Variants in EIF2D observed in about 807,000 individuals in gnomAD.
The protein encoded by EIF2D is eukaryotic translation initiation factor 2D, also known as hepatocellular carcinoma-associated antigen 56.
EIF2D carries 56 observed loss-of-function variants against 77.4 expected under a neutral mutation model. The observed-to-expected ratio is 0.72, with a 90% CI of 0.58 to 0.90. The LOEUF is 0.90. Among genes scored for constraint, EIF2D ranks in the 40% least tolerant of loss-of-function variants. The probability of loss-of-function intolerance (pLI) is 0.00; values close to 1 mark genes in which losing one functional copy is unlikely to be tolerated. For missense variants in EIF2D, 574 were observed against 706.5 expected, an observed-to-expected ratio of 0.81 and a Z score of 2.13; for synonymous variants, 230 against 271.0, an observed-to-expected ratio of 0.85 and a Z score of 1.49.
downstream of EIF2D, among the ~76,000 whole-genome samples, chr1:206,570,126 C>T (rs1668403348): frequency 7.5e-6 from 1 of 132,896 alleles, no homozygotes; most frequent in Admixed American, 8.6e-5. Context: ...AGTCTCAAAT[C>T]TGTCACCCAG....
At chr1:206,602,886 T>C (rs1572403248) in intron 6 of EIF2D, 65 bp downstream of exon 6, 1 of 1,578,770 alleles carries the variant, frequency 6.3e-7, no homozygotes, top group Non-Finnish European at 8.6e-7. Context: ...AGCAGTGGAG[T>C]GGAGTTCGTC....
downstream of EIF2D, among the ~76,000 whole-genome samples, chr1:206,590,203 G>T (rs377412526): frequency 1.3e-5 from 2 of 152,142 alleles, no homozygotes; most frequent in East Asian, 3.8e-4. Context: ...ATGTGTCACC[G>T]TTACTGGAAA....
At chr1:206,597,538 C>G (rs1669708684) in intron 11 of EIF2D, among the ~76,000 whole-genome samples, 1 of 152,200 alleles carries the variant, frequency 6.6e-6, no homozygotes, top group African/African-American at 2.4e-5. Flanking sequence ...AGGTGTTGGC[C>G]AGGTGCAGTG....
chr1:206,595,895 T>C (rs1669623278), intron 12 of EIF2D, 57 bp from the exon 13 acceptor site: 2 of 1,594,648 alleles, frequency 1.3e-6, no homozygotes, highest in Non-Finnish European at 1.7e-6. Flanking sequence ...CATTTCCTCA[T>C]ACCCCACTAC....
chr1:206,600,342 T>C, intron 7 of EIF2D, 34 bp from the exon 8 acceptor site: 1 of 1,603,692 alleles, frequency 6.2e-7, no homozygotes. Flanking sequence ...ATTAAACTAA[T>C]GAGCAGTCAT....
chr1:206,593,510 T>TGTGTGTGTGA, intron 14 of EIF2D, 109 bp downstream of exon 14: 1 of 294,350 alleles, frequency 3.4e-6, no homozygotes, highest in Non-Finnish European at 6.0e-6. Flanking sequence ...AGAGAGAGAG[T>TGTGTGTGTGA]GTGTGTGTGT....
At position 206,584,136 on chromosome 1, in the gene EIF2D, C is replaced by T. The variant is rs1185979675; in HGVS notation, c.139-2974G>A. On this transcript the variant is annotated intron_variant and NMD_transcript_variant, in intron 2 of 5. Transcript: ENST00000472709. This position sits in a 1 kb window ranked among gnomAD's most constrained non-coding sequence, Gnocchi z 4.9. ...GGTTACAGGAGGTTTAGGGAGCTGG[C>T]CTGAGCCTCCTGGGAGGGAAATCCA... 6.6e-6 allele frequency among the ~76,000 whole-genome samples: 1 copy of T among 152,182 alleles called. No individual in the cohort carries two copies. Among genetic ancestry groups the T allele is most frequent in the Non-Finnish European group, 1.5e-5 (1 of 68,036 alleles).
At chr1:206,608,380 G>GT in intron 3 of EIF2D, 54 bp from the exon 4 acceptor site, 1 of 1,415,708 alleles carries the variant, frequency 7.1e-7, no homozygotes, top group Non-Finnish European at 9.7e-7. Flanking sequence ...CTCACTCTGC[G>GT]TTTTACTTCA....
rs782468878 is a variant in EIF2D, at chr1:206,600,248, A to G, written c.948+15T>C. 3.1e-6 allele frequency: 5 copies of G among 1,613,682 alleles called. No individual in the cohort carries two copies. Among genetic ancestry groups the G allele is most frequent in the Non-Finnish European group, 3.4e-6 (4 of 1,179,664 alleles). The stretch of plus-strand genomic sequence containing the variant: ...CAACTCTCTGCATGGGTCTGCAAAG[A>G]AGATCCTTGCTTACCTTTTTGTAGC... On this transcript the variant is annotated intron_variant, in intron 8 of 14. Coordinates refer to ENST00000271764, the MANE Select transcript of EIF2D (RefSeq NM_006893.3).
chr1:206,605,066 T>C (rs1021500324), intron 5 of EIF2D: 5 of 185,646 alleles, frequency 2.7e-5, no homozygotes, highest in Admixed American at 1.1e-4. Flanking sequence ...TGGGGTCACA[T>C]GATGTCTAAA....
Position 206,597,056 on chromosome 1 carries a change from C to T in EIF2D, c.1388+44G>A, listed in dbSNP as rs367707212. The stretch of plus-strand genomic sequence containing the variant: ...AAGTTCAATGTGATCAACATTAAGG[C>T]GAGGGGATAGAAAAGTTGGAGAGGG... On this transcript the variant is annotated intron_variant, in intron 12 of 14. Coordinates refer to ENST00000271764, the MANE Select transcript of EIF2D (RefSeq NM_006893.3). The T allele has an allele frequency of 1.0e-4, 144 of 1,428,128 alleles. 1 individual carries two copies. The Middle Eastern group carries it at 1.1e-3, about 10-fold the overall frequency. 88.5% of individuals were successfully genotyped at this position (1,428,128 alleles called of 1,614,324 possible).
downstream of EIF2D, among the ~76,000 whole-genome samples, chr1:206,569,602 C>G (rs1668385043): frequency 6.6e-6 from 1 of 152,240 alleles, no homozygotes; most frequent in Non-Finnish European, 1.5e-5. Context: ...TGACAGCCAT[C>G]TCAAATTATG....
At chr1:206,605,596 A>G in intron 4 of EIF2D, 89 bp from the exon 5 acceptor site, 1 of 1,126,864 alleles carries the variant, frequency 8.9e-7, no homozygotes, top group Non-Finnish European at 1.3e-6. Context: ...TGTGGTAAAA[A>G]TACCAAGGTT....
At chr1:206,594,936 G>A (rs1226741058) in intron 13 of EIF2D, 2 of 152,192 alleles carry the variant, frequency 1.3e-5, no homozygotes, top group South Asian at 2.1e-4. Flanking sequence ...CAATTATTGA[G>A]AACCAAGTAT....
chr1:206,609,229 C>T (rs1453108460), intron 3 of EIF2D, 147 bp downstream of exon 3: 1 of 715,720 alleles, frequency 1.4e-6, no homozygotes, highest in Non-Finnish European at 2.3e-6. Flanking sequence ...TGTGTGGAAC[C>T]AGCCAAGTGA....
chr1:206,598,877 G>T lies in EIF2D; in HGVS notation c.1292+126C>A. The stretch of plus-strand genomic sequence containing the variant: ...CACAGCCCATGGTTTGGAAACCACT[G>T]ATCTTAATTACCTCTAAGATGCTAT... On this transcript the variant is annotated intron_variant, in intron 11 of 14. Coordinates refer to ENST00000271764, the MANE Select transcript of EIF2D (RefSeq NM_006893.3). The T allele has an allele frequency of 3.2e-6, 3 of 927,882 alleles. No homozygotes were observed. In the South Asian group the frequency reaches 5.0e-5, roughly 15 times the overall value. The allele number at this position is 927,882 out of a possible 1,614,324, so 57.5% of individuals were successfully genotyped here.
At position 206,579,042 on chromosome 1, in the gene EIF2D, G is replaced by A. The variant is rs1207753258; in HGVS notation, c.*254+1650C>T. Among the ~76,000 whole-genome samples the A allele has an allele frequency of 6.6e-6, 1 of 152,100 alleles. No individual in the cohort carries two copies. The highest frequency in any genetic ancestry group is 1.5e-5 in the Non-Finnish European group (1 of 68,010). On this transcript the variant is annotated intron_variant and NMD_transcript_variant, in intron 4 of 5. Transcript: ENST00000472709. The surrounding 1 kb of genome is among the most constrained non-coding windows in gnomAD (Gnocchi z 4.2). Reference sequence around the variant, plus strand: ...GAGAATCACTCAGGGTCGGGGTGTCGCTGTGAACCCCTAGCACCCAGCCTC... The same window carrying A: ...GAGAATCACTCAGGGTCGGGGTGTCACTGTGAACCCCTAGCACCCAGCCTC...
intron 13 of EIF2D, 142 bp downstream of exon 13, chr1:206,595,576 G>T: frequency 9.7e-7 from 1 of 1,033,078 alleles, no homozygotes; most frequent in Non-Finnish European, 1.4e-6. Flanking sequence ...GCCCAGCCCA[G>T]GCACATAAAC....
At position 206,611,238 on chromosome 1, in the gene EIF2D, C is replaced by T. The variant is rs782532326; in HGVS notation, c.193G>A (p.Val65Met). 19 of 1,614,066 alleles carry T rather than the reference C, an allele frequency of 1.2e-5. No homozygotes were observed. The highest frequency in any genetic ancestry group is 5.0e-5 in the Admixed American group (3 of 60,004). Reference sequence around the variant, plus strand: ...AAGAGGATGGGGTTACCACCACTCACGTACACAGTCACTGCATCCCCTTTG... The same window carrying T: ...AAGAGGATGGGGTTACCACCACTCATGTACACAGTCACTGCATCCCCTTTG... ...AHKGDAVTVYVSGGNPILFEL... is the reference protein window; with the variant it reads ...AHKGDAVTVYMSGGNPILFEL... Residue 65 changes from valine to methionine, a missense_variant, in exon 2 of 15, where the codon GTG becomes ATG. By Grantham distance (21) the Val-to-Met change is conservative. Transcript: ENST00000271764.
Sources: allele counts gnomAD v4.1 joint callset (sites outside exome capture counted in the v4.1 genomes callset), GRCh38; gene constraint gnomAD v4.1.1; non-coding constraint Gnocchi (gnomAD v3.1); transcripts MANE v1.5; gene names NCBI Gene and HGNC (gene_info 2026-07-23, HGNC 2026-07-21).